Variants in APAF1 observed in about 807,000 individuals in gnomAD.
APAF1 encodes apoptotic protease-activating factor 1.
APAF1 carries 91 observed loss-of-function variants against 152.4 expected under a neutral mutation model. The ratio of observed to expected loss-of-function variants is 0.60; its 90% CI spans 0.50 to 0.71. The LOEUF (loss-of-function observed/expected upper bound fraction) is 0.71, where lower values mean the gene tolerates loss of function less well. APAF1 is among the 30% of genes least tolerant of loss of function. The pLI is 0.00. For synonymous variants in APAF1, 484 were observed against 494.1 expected (o/e 0.98, Z 0.27); for missense variants, 1,283 against 1,472.0 (o/e 0.87, Z 2.10).
intron 16 of APAF1, among the ~76,000 whole-genome samples, chr12:98,694,463 CTCCT>C (rs1322420061): frequency 2.6e-5 from 4 of 151,154 alleles, no homozygotes; most frequent in Non-Finnish European, 5.9e-5. Flanking sequence ...TTTTTTTCCT[CTCCT>C]TCCTTCTTTT....
At position 98,659,330 on chromosome 12, in the gene APAF1, C is replaced by T. The variant is rs768971192; in HGVS notation, c.697C>T (p.Arg233Cys). 10 of 1,614,018 alleles carry T rather than the reference C, an allele frequency of 6.2e-6. No individual in the cohort carries two copies. Among genetic ancestry groups the T allele is most frequent in the Admixed American group, 1.7e-5 (1 of 59,998 alleles). ...AGACCGTCTCCGCATTCTGATGCTT[C>T]GCAAACACCCAAGGTACCGATGGTC... ...AKDRLRILML[R>C]KHPRSLLILD... is the part of the protein sequence containing the mutation. The change falls in exon 5 of 27, where the codon CGC (arginine) becomes TGC (cysteine). Residue 233 changes from arginine (R) to cysteine (C), a missense_variant. Coordinates refer to ENST00000551964, the MANE Select transcript of APAF1 (RefSeq NM_181861.2).
intron 4 of APAF1, among the ~76,000 whole-genome samples, chr12:98,656,661 T>C (rs985391262): frequency 3.3e-5 from 5 of 152,252 alleles, no homozygotes; most frequent in African/African-American, 4.8e-5. Context: ...AACTCTCTTG[T>C]ATCATCAACT....
chr12:98,729,195 G>A (rs145339910), intron 26 of APAF1, among the ~76,000 whole-genome samples: 1 of 152,332 alleles, frequency 6.6e-6, no homozygotes, highest in African/African-American at 2.4e-5. Context: ...CTTTTGAATA[G>A]CAGTTTACTT....
rs762223867 is a variant in APAF1 at position 98,712,349 on chromosome 12, T to G, written c.2872T>G (p.Tyr958Asp). Residue 958 changes from tyrosine (Y) to aspartate (D), a missense_variant, in exon 21 of 27, where the codon TAT becomes GAT. Tyr to Asp is a radical substitution (Grantham distance 160). Coordinates refer to ENST00000551964, the MANE Select transcript of APAF1 (RefSeq NM_181861.2). ...TAATGGAAGAACAGGTCAGATTGAT[T>G]ATCTGACTGAAGCTCAAGTTAGCTG... ...LINGRTGQIDYLTEAQVSCCC... is the reference protein window; with the variant it reads ...LINGRTGQIDDLTEAQVSCCC... The G allele has an allele frequency of 1.9e-5, 30 of 1,610,904 alleles. No individual in the cohort carries two copies. The highest frequency in any genetic ancestry group is 2.4e-5 in the Non-Finnish European group (28 of 1,177,264).
In APAF1 at chr12:98,735,341, C is replaced by T. The variant is rs1451373782; in HGVS notation, c.*2775C>T. ...TGAAACTCTTGTATTTATGATATAG[C>T]TTATATGATTTTTTTGCCTTGGTAT... On this transcript the variant is annotated 3_prime_UTR_variant, in exon 27 of 27. Transcript: ENST00000551964. 1.2e-5 allele frequency: 5 copies of T among 419,042 alleles called. No homozygotes were observed. In the East Asian group the frequency reaches 1.3e-4, roughly 11 times the overall value. The allele number at this position is 419,042 out of a possible 1,614,324, so 26.0% of individuals were successfully genotyped here.
intron 14 of APAF1, among the ~76,000 whole-genome samples, chr12:98,681,044 G>T (rs2097691715): frequency 6.6e-6 from 1 of 152,122 alleles, no homozygotes. Context: ...CATAAATAGA[G>T]AAAAGTAAAC....
chr12:98,660,726 A>G (rs747018045), intron 5 of APAF1, among the ~76,000 whole-genome samples: 54 of 152,346 alleles, frequency 3.5e-4, no homozygotes, highest in Non-Finnish European at 6.9e-4. Flanking sequence ...AAAGATAAAT[A>G]AAGCATTCCT....
At chr12:98,697,238 T>C (rs949471293) in intron 16 of APAF1, among the ~76,000 whole-genome samples, 15 of 152,218 alleles carry the variant, frequency 9.9e-5, no homozygotes, top group African/African-American at 3.6e-4. Context: ...GACTACCTCC[T>C]GTACAAAGTG....
At chr12:98,704,463 C>G (rs1308090075) in intron 18 of APAF1, among the ~76,000 whole-genome samples, 1 of 152,212 alleles carries the variant, frequency 6.6e-6, no homozygotes. Flanking sequence ...TCAGTGTTCT[C>G]TGCTTATTTA....
chr12:98,708,818 TC>T, intron 20 of APAF1, 114 bp downstream of exon 20: 1 of 993,430 alleles, frequency 1.0e-6, no homozygotes, highest in Non-Finnish European at 1.5e-6. Context: ...CTAACAGGTG[TC>T]CAGCAGACAT....
intron 20 of APAF1, among the ~76,000 whole-genome samples, 160 bp from the exon 21 acceptor site, chr12:98,712,159 A>G (rs2153339176): frequency 6.6e-6 from 1 of 152,316 alleles, no homozygotes. Context: ...GAAGTGCTAA[A>G]TGCAGCTGCT....
In APAF1 at chr12:98,718,115, C is replaced by T. The variant is rs376015106; in HGVS notation, c.3084+2563C>T. On this transcript the variant is annotated intron_variant, in intron 22 of 26. Transcript: ENST00000551964. ...AATTGTAATTCTACCCTCAGTTGTG[C>T]TGGTGCCCTTAAATTCAGAGATTCT... 5.9e-4 allele frequency among the ~76,000 whole-genome samples: 90 copies of T among 152,320 alleles called. 1 individual carries two copies. The highest frequency in any genetic ancestry group is 1.7e-3 in the African/African-American group (70 of 41,586).
At chr12:98,727,404 C>T (rs1372405020) in intron 26 of APAF1, 88 bp downstream of exon 26, 4 of 1,465,028 alleles carry the variant, frequency 2.7e-6, no homozygotes, top group South Asian at 2.3e-5. Flanking sequence ...TCAGTTGGGC[C>T]TTTTACAACC....
At chr12:98,675,372 T>A (rs185650890) in intron 12 of APAF1, among the ~76,000 whole-genome samples, 126 of 152,324 alleles carry the variant, frequency 8.3e-4, no homozygotes, top group African/African-American at 2.8e-3. Context: ...AAGAACATTT[T>A]AAAATCTAAT....
chr12:98,658,822 T>C (rs2097661034), intron 4 of APAF1, among the ~76,000 whole-genome samples: 1 of 152,160 alleles, frequency 6.6e-6, no homozygotes, highest in Non-Finnish European at 1.5e-5. Context: ...AACAAAGAAT[T>C]GCCATCCCAA....
chr12:98,729,430 C>T lies in APAF1; in HGVS notation c.3600+2114C>T, dbSNP rs1369569673. Among the ~76,000 whole-genome samples, 4 of 152,320 alleles carry T rather than the reference C, an allele frequency of 2.6e-5. No individual in the cohort carries two copies. In the East Asian group the frequency reaches 7.7e-4, roughly 29 times the overall value. ...CTCGCATGTGCAGTTCACAGCAGGG[C>T]TCTTGCTCCTGTGAGAAACTAATGC... On this transcript the variant is annotated intron_variant, in intron 26 of 26. Transcript: ENST00000551964.
At chr12:98,696,344 G>A (rs1216757898) in intron 16 of APAF1, among the ~76,000 whole-genome samples, 1 of 152,142 alleles carries the variant, frequency 6.6e-6, no homozygotes, top group Non-Finnish European at 1.5e-5. Context: ...AAGCCAGACT[G>A]TTTTCAACAA....
chr12:98,649,765 T>C, intron 4 of APAF1, 81 bp downstream of exon 4: 1 of 1,277,450 alleles, frequency 7.8e-7, no homozygotes, highest in Non-Finnish European at 1.1e-6. Flanking sequence ...ACGTGATAAA[T>C]TGAATGGTAG....
chr12:98,714,740 A>G (rs185621968), intron 21 of APAF1, among the ~76,000 whole-genome samples: 74 of 149,406 alleles, frequency 5.0e-4, no homozygotes, highest in Non-Finnish European at 7.4e-5. Flanking sequence ...CATCATCTGT[A>G]TTTTCCTTAG....
Sources: gnomAD v4.1 joint callset for allele counts (sites outside exome capture counted in the v4.1 genomes callset) on GRCh38, gnomAD v4.1.1 for gene constraint, MANE v1.5 for transcripts, NCBI Gene and HGNC (gene_info 2026-07-23, HGNC 2026-07-21) for gene names.